The following LTBP1 variants were observed in gnomAD, a reference collection of about 807,000 sequenced individuals.
LTBP1 encodes latent transforming growth factor beta binding protein 1.
Under a neutral mutation model 207.6 loss-of-function variants are expected in LTBP1, and 129 were observed. The ratio of observed to expected loss-of-function variants is 0.62; its 90% CI spans 0.54 to 0.72. The LOEUF (loss-of-function observed/expected upper bound fraction) is 0.72, where lower values mean the gene tolerates loss of function less well. LTBP1 is among the 30% of genes least tolerant of loss of function. The pLI, the probability that LTBP1 is intolerant of heterozygous loss-of-function variation, is 0.00. For missense variants in LTBP1, 2,281 were observed against 2,217.2 expected (o/e 1.03, Z -0.58); for synonymous variants, 963 against 833.7 (o/e 1.16, Z -2.67).
chr2:32,987,023 C>T (rs982797958), intron 2 of LTBP1, among the ~76,000 whole-genome samples: 1 of 152,032 alleles, frequency 6.6e-6, no homozygotes, highest in Non-Finnish European at 1.5e-5. Flanking sequence ...AGGGCTAGCC[C>T]CATGTAGCTC....
intron 7 of LTBP1, among the ~76,000 whole-genome samples, chr2:33,209,098 C>G (rs1010583889): frequency 6.6e-6 from 1 of 151,982 alleles, no homozygotes; most frequent in Admixed American, 6.6e-5. Flanking sequence ...GTTTCGAACT[C>G]CTGACCTCAA....
At chr2:33,213,158 C>A (rs577440186) in intron 7 of LTBP1, among the ~76,000 whole-genome samples, 87 of 152,248 alleles carry the variant, frequency 5.7e-4, no homozygotes, top group Non-Finnish European at 9.7e-4. Context: ...TGTAGTGTCC[C>A]TTAATCTGCA....
At chr2:33,052,991 C>T (rs2076820076) in intron 3 of LTBP1, among the ~76,000 whole-genome samples, 1 of 151,922 alleles carries the variant, frequency 6.6e-6, no homozygotes, top group East Asian at 1.9e-4. Context: ...TCTCTTGCGT[C>T]AGCCTCCCGA....
intron 24 of LTBP1, among the ~76,000 whole-genome samples, chr2:33,328,774 T>A (rs2094460343): frequency 6.6e-6 from 1 of 152,216 alleles, no homozygotes; most frequent in Admixed American, 6.5e-5. Context: ...ATTAGCTACA[T>A]GTAATCATAA....
intron 24 of LTBP1, among the ~76,000 whole-genome samples, chr2:33,327,792 G>A (rs1198493208): frequency 6.6e-6 from 1 of 152,070 alleles, no homozygotes; most frequent in Non-Finnish European, 1.5e-5. Flanking sequence ...AGGAAATGCA[G>A]CAGTGTGGAT....
intron 5 of LTBP1, among the ~76,000 whole-genome samples, chr2:33,137,105 A>G (rs1035536102): frequency 2.6e-5 from 4 of 152,166 alleles, no homozygotes; most frequent in African/African-American, 7.2e-5. Flanking sequence ...AAGAATGGTA[A>G]TTTTATAGAA....
chr2:33,073,148 G>A (rs559863811), intron 3 of LTBP1, among the ~76,000 whole-genome samples: 1 of 152,290 alleles, frequency 6.6e-6, no homozygotes, highest in African/African-American at 2.4e-5. Flanking sequence ...GGTTTGAGGA[G>A]TGAATAGGAG....
At chr2:33,211,587 A>G (rs1316016213) in intron 7 of LTBP1, among the ~76,000 whole-genome samples, 1 of 152,222 alleles carries the variant, frequency 6.6e-6, no homozygotes, top group African/African-American at 2.4e-5. Context: ...ACTCCAGTCC[A>G]GCACTCTTTT....
intron 31 of LTBP1, among the ~76,000 whole-genome samples, chr2:33,377,506 G>A (rs544554038): frequency 6.6e-6 from 1 of 152,278 alleles, no homozygotes; most frequent in South Asian, 2.1e-4. Flanking sequence ...TATACTGCAT[G>A]GAAGTGCTAG....
intron 5 of LTBP1, among the ~76,000 whole-genome samples, chr2:33,142,968 G>A (rs1479572570): frequency 6.6e-6 from 1 of 152,202 alleles, no homozygotes; most frequent in Non-Finnish European, 1.5e-5. Flanking sequence ...AGTCTAAACT[G>A]CTTAGCATAG....
intron 10 of LTBP1, among the ~76,000 whole-genome samples, chr2:33,247,287 G>T (rs1283520226): frequency 6.6e-6 from 1 of 152,176 alleles, no homozygotes; most frequent in African/African-American, 2.4e-5. Flanking sequence ...AATTTCCTGA[G>T]CATCTTTATG....
Position 33,365,390 on chromosome 2 carries a change from A to G in LTBP1, c.4598A>G (p.Glu1533Gly), listed in dbSNP as rs561562160. The change falls in exon 31 of 34, where the codon GAA becomes GGA. Residue 1533 changes from glutamate (E) to glycine (G), a missense_variant. Coordinates refer to ENST00000404816, the MANE Select transcript of LTBP1 (RefSeq NM_206943.4). ...TTGTGCTGGGAACATCTGAGTGATGAATACGTGTGTAGCCGGCCTCTTGTG... is the reference window on the plus strand; with the variant it reads ...TTGTGCTGGGAACATCTGAGTGATGGATACGTGTGTAGCCGGCCTCTTGTG... ...QDLCWEHLSDEYVCSRPLVGK... is the reference protein window; with the variant it reads ...QDLCWEHLSDGYVCSRPLVGK... The G allele has an allele frequency of 4.6e-5, 75 of 1,614,194 alleles. No homozygotes were observed. In the Admixed American group the frequency reaches 1.1e-3, roughly 23 times the overall value.
At chr2:33,169,905 T>A (rs2085263681) in intron 5 of LTBP1, among the ~76,000 whole-genome samples, 1 of 152,142 alleles carries the variant, frequency 6.6e-6, no homozygotes, top group African/African-American at 2.4e-5. Flanking sequence ...AGTAAAGACA[T>A]GCAAAATCAG....
At chr2:33,169,540 C>T (rs1296506993) in intron 5 of LTBP1, among the ~76,000 whole-genome samples, 1 of 152,042 alleles carries the variant, frequency 6.6e-6, no homozygotes, top group South Asian at 2.1e-4. Flanking sequence ...AAATAAAATA[C>T]CAGCATGAAA....
chr2:33,074,819 G>A (rs987868285), intron 3 of LTBP1, among the ~76,000 whole-genome samples: 14 of 149,800 alleles, frequency 9.3e-5, no homozygotes, highest in East Asian at 1.9e-4. Context: ...GCAGTCAGCC[G>A]AGATCGCACC....
At chr2:33,254,873 T>TC (rs2092802405) in intron 11 of LTBP1, among the ~76,000 whole-genome samples, 1 of 122,018 alleles carries the variant, frequency 8.2e-6, no homozygotes, top group Non-Finnish European at 1.7e-5. Flanking sequence ...TTTTTTTTTT[T>TC]TTTTTTTTTT....
chr2:32,986,546 C>G (rs1683606266), intron 2 of LTBP1, among the ~76,000 whole-genome samples: 1 of 152,124 alleles, frequency 6.6e-6, no homozygotes, highest in Non-Finnish European at 1.5e-5. Flanking sequence ...GCTCAGTGCA[C>G]AAGGAAGATG....
intron 4 of LTBP1, among the ~76,000 whole-genome samples, chr2:33,129,332 G>C (rs1022442341): frequency 6.6e-6 from 1 of 152,194 alleles, no homozygotes; most frequent in Middle Eastern, 3.2e-3. Context: ...TGCAGTCCAG[G>C]GCAGAGGCGA....
chr2:33,232,496 G>A (rs139972558), intron 9 of LTBP1, among the ~76,000 whole-genome samples: 1 of 152,202 alleles, frequency 6.6e-6, no homozygotes, highest in African/African-American at 2.4e-5. Context: ...TGGAAATAAA[G>A]CCTTTTTCCC....
Sources: allele counts gnomAD v4.1 joint callset (sites outside exome capture counted in the v4.1 genomes callset), GRCh38; gene constraint gnomAD v4.1.1; transcripts MANE v1.5; gene names NCBI Gene and HGNC (gene_info 2026-07-23, HGNC 2026-07-21).